Variants in APELA observed in about 807,000 individuals in gnomAD.
APELA encodes the protein protein Elabela.
At chr4:164,890,407 C>T (rs1730857082) in intron 2 of APELA, among the ~76,000 whole-genome samples, 1 of 152,170 alleles carries the variant, frequency 6.6e-6, no homozygotes, top group African/African-American at 2.4e-5. Context: ...CCCCATTTCT[C>T]CCCAGCTGTT....
At chr4:164,894,139 A>G (rs1442675051) in intron 2 of APELA, among the ~76,000 whole-genome samples, 2 of 152,138 alleles carry the variant, frequency 1.3e-5, no homozygotes, top group African/African-American at 4.8e-5. Context: ...CCTGGCCAAC[A>G]TGGCAAAACC....
chr4:164,884,103 ATG>A (rs1491471155), intron 2 of APELA, among the ~76,000 whole-genome samples: 1 of 45,280 alleles, frequency 2.2e-5, no homozygotes, highest in Non-Finnish European at 4.0e-5. Flanking sequence ...GAAAGAAAGA[ATG>A]AAAGAAAGAA....
chr4:164,883,484 C>CTTTTTTTTTTTTTTTTTTTTT lies in APELA; in HGVS notation c.*1+4480_*1+4481insTTTTTTTTTTTTTTTTTTTTT, dbSNP rs758157733. ...CTTTTATGTTCCCTTTCTAGTCTTTCTTTTTCTTTTTTTTTTTTTTTGAGA... is the reference window on the plus strand; with the variant it reads ...CTTTTATGTTCCCTTTCTAGTCTTTCTTTTTTTTTTTTTTTTTTTTTTTTTTCTTTTTTTTTTTTTTTGAGA... On this transcript the variant is annotated intron_variant, in intron 2 of 2. Transcript: ENST00000507152. Among the ~76,000 whole-genome samples, 5 of 129,368 alleles carry CTTTTTTTTTTTTTTTTTTTTT rather than the reference C, an allele frequency of 3.9e-5. 1 individual carries two copies. Among genetic ancestry groups the CTTTTTTTTTTTTTTTTTTTTT allele is most frequent in the African/African-American group, 3.2e-5 (1 of 30,920 alleles). The allele number at this position is 129,368 out of a possible 152,430, so 84.9% of individuals were successfully genotyped here.
At chr4:164,893,835 T>C (rs556749860) in intron 2 of APELA, among the ~76,000 whole-genome samples, 2 of 152,262 alleles carry the variant, frequency 1.3e-5, no homozygotes. Context: ...ATTATTTATA[T>C]GGTTGAACTT....
rs1020687780 is a variant in APELA at position 164,896,721 on chromosome 4, G to A, written c.*1307G>A. 6.6e-6 allele frequency: 1 copy of A among 152,168 alleles called. No homozygotes were observed. The highest frequency in any genetic ancestry group is 6.5e-5 in the Admixed American group (1 of 15,282). 9.4% of individuals were successfully genotyped at this position (152,168 alleles called of 1,614,324 possible). On this transcript the variant is annotated 3_prime_UTR_variant, in exon 3 of 3. Transcript: ENST00000507152. ...ATTTGTATTTATTGAAGGATTGTTA[G>A]CTTAGTGCCACAAAATTTTTCTTAC...
rs570646960 is a variant in APELA, at chr4:164,880,942, AT to A, written c.*1+1937del. ...TAAAACTGCTTGGGTGACAGCATCC[AT>A]TTTCTCAGTTTTAGACTCGTTCTAC... On this transcript the variant is annotated intron_variant, in intron 2 of 2. Coordinates refer to ENST00000507152, the MANE Select transcript of APELA (RefSeq NM_001297550.2). 3.7e-3 allele frequency among the ~76,000 whole-genome samples: 568 copies of A among 152,278 alleles called. 1 individual carries two copies. Among genetic ancestry groups the A allele is most frequent in the Admixed American group, 8.8e-3 (134 of 15,282 alleles).
At chr4:164,886,605 C>G (rs1266532812) in intron 2 of APELA, among the ~76,000 whole-genome samples, 6 of 151,950 alleles carry the variant, frequency 3.9e-5, no homozygotes, top group Non-Finnish European at 8.8e-5. Context: ...GTGATCATAC[C>G]ACTGCACTCC....
At position 164,892,749 on chromosome 4, in the gene APELA, G is replaced by A. The variant is rs2111068221; in HGVS notation, c.*2-2667G>A. Among the ~76,000 whole-genome samples the A allele has an allele frequency of 2.0e-5, 3 of 152,128 alleles. 1 individual carries two copies. In the Middle Eastern group the frequency reaches 0.01, roughly 517 times the overall value. Reference sequence around the variant, plus strand: ...CAGTGAAGCCATGTGGTTCTTTTTGGAAAGTTTCTTAATTGCTAATTCGAT... The same window carrying A: ...CAGTGAAGCCATGTGGTTCTTTTTGAAAAGTTTCTTAATTGCTAATTCGAT... On this transcript the variant is annotated intron_variant, in intron 2 of 2. Transcript: ENST00000507152.
At chr4:164,888,742 C>T (rs1404322990) in intron 2 of APELA, among the ~76,000 whole-genome samples, 4 of 152,126 alleles carry the variant, frequency 2.6e-5, no homozygotes, top group Admixed American at 6.6e-5. Flanking sequence ...CGTATTATGG[C>T]TTCTATACTT....
chr4:164,896,075 T>G lies in APELA; in HGVS notation c.*661T>G, dbSNP rs1353217381. 3 of 152,356 alleles carry G rather than the reference T, an allele frequency of 2.0e-5. No homozygotes were observed. Among genetic ancestry groups the G allele is most frequent in the African/African-American group, 7.2e-5 (3 of 41,576 alleles). 9.4% of individuals were successfully genotyped at this position (152,356 alleles called of 1,614,324 possible). A position where few individuals can be genotyped will look rare whatever the true frequency, so the allele number is the denominator to read the frequency against. On this transcript the variant is annotated 3_prime_UTR_variant, in exon 3 of 3. Transcript: ENST00000507152. ...ATGAAATCCTAATTGTAGTTCATTT[T>G]ATGTTCAAATGAAACCATTGTTTTT...
At chr4:164,885,740 CA>C (rs796462065) in intron 2 of APELA, among the ~76,000 whole-genome samples, 1,963 of 138,922 alleles carry the variant, frequency 0.014, 49 homozygotes, top group African/African-American at 0.047. Flanking sequence ...GACCATGTCT[CA>C]AAAAAAAAAA....
intron 2 of APELA, among the ~76,000 whole-genome samples, chr4:164,886,507 C>T (rs1560859025): frequency 6.6e-6 from 1 of 152,026 alleles, no homozygotes; most frequent in Non-Finnish European, 1.5e-5. Flanking sequence ...CATTAGCTGG[C>T]ATGATGGTGT....
At chr4:164,884,813 C>T (rs1337138894) in intron 2 of APELA, among the ~76,000 whole-genome samples, 1 of 152,128 alleles carries the variant, frequency 6.6e-6, no homozygotes, top group African/African-American at 2.4e-5. Flanking sequence ...CATTCTTCAC[C>T]TCTTAACTGT....
chr4:164,884,726 C>T (rs1344839296), intron 2 of APELA, among the ~76,000 whole-genome samples: 3 of 152,122 alleles, frequency 2.0e-5, no homozygotes, highest in Non-Finnish European at 4.4e-5. Context: ...TGGCCCTTAT[C>T]CTATCATAAC....
At chr4:164,888,015 C>T (rs768884771) in intron 2 of APELA, among the ~76,000 whole-genome samples, 3 of 152,150 alleles carry the variant, frequency 2.0e-5, no homozygotes, top group Non-Finnish European at 4.4e-5. Flanking sequence ...CCTTCAATTC[C>T]AGGGCACCAT....
At chr4:164,897,904 T>C (rs1370863281), downstream of APELA, among the ~76,000 whole-genome samples, 1 of 152,162 alleles carries the variant, frequency 6.6e-6, no homozygotes, top group Non-Finnish European at 1.5e-5. Context: ...TAATTATCTT[T>C]CTTGGAGATA....
intron 2 of APELA, among the ~76,000 whole-genome samples, chr4:164,881,572 TC>T (rs1560857032): frequency 5.3e-5 from 8 of 151,806 alleles, no homozygotes; most frequent in African/African-American, 1.9e-4. Context: ...CCACCTTCAG[TC>T]CTAAGTGATT....
downstream of APELA, among the ~76,000 whole-genome samples, chr4:164,898,467 A>G (rs1365523775): frequency 1.3e-5 from 2 of 148,974 alleles, no homozygotes; most frequent in Non-Finnish European, 3.0e-5. Flanking sequence ...ACGCCATTGC[A>G]CTCCAGCCTG....
chr4:164,883,954 A>C lies in APELA; in HGVS notation c.*1+4945A>C, dbSNP rs549731955. ...AAAGACAGAAAGACGAAAGAGACAAAGACAGAAAGAAAGAGGAGGAGAAGA... is the reference window on the plus strand; with the variant it reads ...AAAGACAGAAAGACGAAAGAGACAACGACAGAAAGAAAGAGGAGGAGAAGA... On this transcript the variant is annotated intron_variant, in intron 2 of 2. Coordinates refer to ENST00000507152, the MANE Select transcript of APELA (RefSeq NM_001297550.2). Among the ~76,000 whole-genome samples, 6 of 151,628 alleles carry C rather than the reference A, an allele frequency of 4.0e-5. No homozygotes were observed. In the East Asian group the frequency reaches 1.2e-3, roughly 29 times the overall value.
Sources: gnomAD v4.1 joint callset for allele counts (sites outside exome capture counted in the v4.1 genomes callset) on GRCh38, gnomAD v4.1.1 for gene constraint, MANE v1.5 for transcripts, NCBI Gene and HGNC (gene_info 2026-07-23, HGNC 2026-07-21) for gene names.